RGS3: variants seen among roughly 807,000 people sequenced by gnomAD.
The protein encoded by RGS3 is regulator of G protein signaling 3, also known as regulator of G-protein signalling 3.
RGS3 carries 80 observed loss-of-function variants against 132.6 expected under a neutral mutation model. The ratio of observed to expected loss-of-function variants is 0.60; its 90% CI spans 0.50 to 0.73. The LOEUF is 0.73. Among genes scored for constraint, RGS3 ranks in the 30% least tolerant of loss-of-function variants. The pLI, the probability that RGS3 is intolerant of heterozygous loss-of-function variation, is 0.00. For synonymous variants in RGS3, 598 were observed against 620.6 expected (o/e 0.96, Z 0.54); for missense variants, 1,382 against 1,530.8 (o/e 0.90, Z 1.62).
chr9:113,552,343 G>A (rs562371208), intron 19 of RGS3, among the ~76,000 whole-genome samples: 260 of 152,106 alleles, frequency 1.7e-3, no homozygotes, highest in Middle Eastern at 6.8e-3. Flanking sequence ...TTGAGACGGA[G>A]TCTCACTCTG....
chr9:113,553,072 T>C (rs1293371433), intron 19 of RGS3, among the ~76,000 whole-genome samples: 14 of 152,092 alleles, frequency 9.2e-5, no homozygotes, highest in Admixed American at 9.2e-4. Context: ...TTTTCCCCCA[T>C]GCACATATGT....
intron 19 of RGS3, among the ~76,000 whole-genome samples, chr9:113,561,353 T>G (rs892215908): frequency 1.3e-5 from 2 of 151,820 alleles, no homozygotes; most frequent in Non-Finnish European, 2.9e-5. Context: ...TCTTTTCTTT[T>G]TCTTTCTTTC....
chr9:113,519,200 G>A (rs899117705), intron 16 of RGS3, among the ~76,000 whole-genome samples: 1 of 152,098 alleles, frequency 6.6e-6, no homozygotes, highest in Admixed American at 6.5e-5. Context: ...GGCTGGTAAG[G>A]AATGGAGCCG....
In RGS3 at chr9:113,505,503, G is replaced by GC; in HGVS notation, c.959_960insC (p.Val321SerfsTer26). 1 of 1,614,192 alleles carries GC rather than the reference G, an allele frequency of 6.2e-7. No individual in the cohort carries two copies. The highest frequency in any genetic ancestry group is 8.5e-7 in the Non-Finnish European group (1 of 1,180,016). ...ACCATCTGCTGCGACTCTCCAGTTC[G>GC]AGTCCAGGCCGTGGATTCCGGTAAG... On this transcript the variant is annotated frameshift_variant, in exon 11 of 25. Transcript: ENST00000350696. LOFTEE classifies it high-confidence loss of function.
chr9:113,457,679 C>G (rs192925655), upstream of RGS3, among the ~76,000 whole-genome samples: 1 of 152,180 alleles, frequency 6.6e-6, no homozygotes, highest in Non-Finnish European at 1.5e-5. Context: ...TGTTTATTTA[C>G]TAGTTTAGCA....
rs997949671 is a variant in RGS3, at chr9:113,497,460, C to T, written c.841+56C>T. The T allele has an allele frequency of 1.1e-5, 16 of 1,420,510 alleles. No individual in the cohort carries two copies. In the East Asian group the frequency reaches 1.1e-4, roughly 10 times the overall value. 88.0% of individuals were successfully genotyped at this position (1,420,510 alleles called of 1,614,324 possible). On this transcript the variant is annotated intron_variant, in intron 9 of 24. Transcript: ENST00000350696. ...CCAGGACCTGCCCCCTCCCTCCTTT[C>T]CTGCATAGCGGCATCAGTACTGGTA... is the stretch of plus-strand genomic sequence containing the variant.
intron 14 of RGS3, among the ~76,000 whole-genome samples, chr9:113,509,350 A>T (rs1191864213): frequency 6.6e-6 from 1 of 151,994 alleles, no homozygotes; most frequent in African/African-American, 2.4e-5. Flanking sequence ...TGGGGTCAAT[A>T]ATTCCTACCT....
rs566086761 is a variant in RGS3, at chr9:113,537,124, C to T, written c.2037+206C>T. Among the ~76,000 whole-genome samples the T allele has an allele frequency of 3.3e-5, 5 of 152,320 alleles. No homozygotes were observed. Among genetic ancestry groups the T allele is most frequent in the South Asian group, 4.1e-4 (2 of 4,826 alleles). ...TCTGCTGAGTGGGTCTGACAGTGCTCGTGTAGAGCGACAGAGCCAAATTAA... is the reference window on the plus strand; with the variant it reads ...TCTGCTGAGTGGGTCTGACAGTGCTTGTGTAGAGCGACAGAGCCAAATTAA... On this transcript the variant is annotated intron_variant, in intron 19 of 24. Transcript: ENST00000350696. The surrounding 1 kb of genome is among the most constrained non-coding windows in gnomAD (Gnocchi z 4.3).
chr9:113,460,041 A>C (rs1486724460), upstream of RGS3, among the ~76,000 whole-genome samples: 19 of 144,126 alleles, frequency 1.3e-4, no homozygotes, highest in Admixed American at 1.0e-3. Context: ...AACTCTCTCA[A>C]AAAAAAAAAA....
upstream of RGS3, among the ~76,000 whole-genome samples, chr9:113,457,766 T>G (rs1042870753): frequency 6.6e-6 from 1 of 152,236 alleles, no homozygotes; most frequent in Non-Finnish European, 1.5e-5. Flanking sequence ...TGAAAGCAAA[T>G]GGTGGGCCAG....
At chr9:113,452,902 A>AAT (rs200620172) in intron 1 of RGS3, among the ~76,000 whole-genome samples, 4,915 of 136,090 alleles carry the variant, frequency 0.036, 128 homozygotes, top group South Asian at 0.093. Context: ...TATATATATA[A>AAT]ATATATATTA....
chr9:113,573,821 G>C (rs1834392809), intron 19 of RGS3, among the ~76,000 whole-genome samples: 1 of 152,148 alleles, frequency 6.6e-6, no homozygotes. Context: ...GCCTAGCACA[G>C]AGCCAGGCCC....
rs145391322 is a variant in RGS3 at position 113,564,745 on chromosome 9, T to C, written c.2038-18705T>C. 5.1e-4 allele frequency among the ~76,000 whole-genome samples: 78 copies of C among 152,312 alleles called. 1 individual carries two copies. The highest frequency in any genetic ancestry group is 1.7e-3 in the African/African-American group (69 of 41,566). ...CCCCAGGTTCTCTTTCCACATAGGA[T>C]TCTGCAGAGTTTAGCATTCAAAGAT... is the stretch of plus-strand genomic sequence containing the variant. On this transcript the variant is annotated intron_variant, in intron 19 of 24. Transcript: ENST00000350696.
chr9:113,593,943 A>G (rs1442952416), intron 21 of RGS3: 4 of 1,611,460 alleles, frequency 2.5e-6, no homozygotes, highest in Non-Finnish European at 2.5e-6. Context: ...GGCCAGTCAC[A>G]AATAGCTGGG....
chr9:113,591,339 G>A lies in RGS3; in HGVS notation c.3022G>A (p.Gly1008Arg), dbSNP rs754445001. The A allele has an allele frequency of 8.7e-6, 14 of 1,613,440 alleles. No individual in the cohort carries two copies. In the African/African-American group the frequency reaches 1.3e-4, roughly 15 times the overall value. The change falls in exon 21 of 25, where the codon GGG (glycine) becomes AGG (arginine). Residue 1008 changes from glycine to arginine, a missense_variant. Transcript: ENST00000350696. This position sits in a 1 kb window ranked among gnomAD's most constrained non-coding sequence, Gnocchi z 4.4. ...GTCTGTCTTCTCTCCGCAGATGAGC[G>A]GGGCTGACACCGTTGGGGATGATGA...
intron 3 of RGS3, among the ~76,000 whole-genome samples, chr9:113,471,261 C>A (rs1009059037): frequency 6.6e-6 from 1 of 151,944 alleles, no homozygotes; most frequent in Non-Finnish European, 1.5e-5. Context: ...TCTTGGTGGG[C>A]CCTGGTCCCT....
chr9:113,462,458 C>T lies in RGS3; in HGVS notation c.415+257C>T, dbSNP rs553597131. Among the ~76,000 whole-genome samples the T allele has an allele frequency of 3.3e-5, 5 of 152,338 alleles. No individual in the cohort carries two copies. In the South Asian group the frequency reaches 1.0e-3, roughly 32 times the overall value. The stretch of plus-strand genomic sequence containing the variant: ...GCTCCTCGCTGGTGGCCACCTGACC[C>T]TGTGGCGTTTGCTCCTTCCACCTGC... On this transcript the variant is annotated intron_variant, in intron 3 of 24. Coordinates refer to ENST00000350696, the Ensembl canonical transcript of RGS3.
intron 4 of RGS3, among the ~76,000 whole-genome samples, chr9:113,481,493 G>A (rs1830157547): frequency 6.6e-6 from 1 of 152,214 alleles, no homozygotes; most frequent in South Asian, 2.1e-4. Context: ...GCCATGGGGG[G>A]CCCAACGTGA....
intron 18 of RGS3, 133 bp downstream of exon 16, chr9:113,529,397 C>A: frequency 2.5e-6 from 2 of 784,410 alleles, no homozygotes; most frequent in South Asian, 1.5e-5. Flanking sequence ...CTGGGCAAGG[C>A]CAGAGTAGCG....
Sources: allele counts gnomAD v4.1 joint callset (sites outside exome capture counted in the v4.1 genomes callset), GRCh38; gene constraint gnomAD v4.1.1; non-coding constraint Gnocchi (gnomAD v3.1); transcripts MANE v1.5; gene names NCBI Gene and HGNC (gene_info 2026-07-23, HGNC 2026-07-21).